Variants in RNF6 observed in about 807,000 individuals in gnomAD.
The protein encoded by RNF6 is ring finger protein 6, also known as E3 ubiquitin-protein ligase RNF6.
In RNF6, 21 loss-of-function variants were observed where a neutral mutation model predicts 50.1. The ratio of observed to expected loss-of-function variants is 0.42; its 90% CI spans 0.30 to 0.60. RNF6 has a LOEUF of 0.60. Among genes scored for constraint, RNF6 ranks in the 20% least tolerant of loss-of-function variants. RNF6 has a pLI of 0.20. For synonymous variants in RNF6, 255 were observed against 291.8 expected (o/e 0.87, Z 1.29); for missense variants, 698 against 838.2 (o/e 0.83, Z 2.07).
intron 5 of RNF6, among the ~76,000 whole-genome samples, chr13:26,188,733 A>C (rs571618608): frequency 7.1e-6 from 1 of 140,250 alleles, no homozygotes; most frequent in Non-Finnish European, 1.5e-5. Context: ...CAGTTCAAGC[A>C]CTTATCCTGC....
rs1468257891 is a variant in RNF6, at chr13:26,214,948, G to A, written c.934C>T (p.Arg312Cys). Residue 312 changes from arginine to cysteine, a missense_variant, in exon 5 of 5, where the codon CGT becomes TGT. Coordinates refer to ENST00000381588, the MANE Select transcript of RNF6 (RefSeq NM_005977.4). ...CCACTCTGTCTCTGAATTGGTGAAC[G>A]GCTTCGACTATTGGAAGTAGATCGT... ...RLRSTSNSRS[R>C]SPIQRQSGTV... The A allele has an allele frequency of 3.7e-6, 6 of 1,614,168 alleles. No individual in the cohort carries two copies. The highest frequency in any genetic ancestry group is 1.1e-5 in the South Asian group (1 of 91,086).
intron 5 of RNF6, among the ~76,000 whole-genome samples, chr13:26,201,409 G>A (rs987404496): frequency 3.9e-5 from 6 of 152,162 alleles, no homozygotes; most frequent in Admixed American, 3.3e-4. Flanking sequence ...GTGGAATGGA[G>A]GAGGGGTAAT....
chr13:26,210,234 A>G (rs1298651904), downstream of RNF6, among the ~76,000 whole-genome samples: 2 of 152,238 alleles, frequency 1.3e-5, no homozygotes, highest in East Asian at 1.9e-4. Flanking sequence ...AGAGACCCCA[A>G]GTGAGCCACC....
At chr13:26,177,595 C>G (rs1873022366) in intron 5 of RNF6, among the ~76,000 whole-genome samples, 1 of 152,216 alleles carries the variant, frequency 6.6e-6, no homozygotes, top group African/African-American at 2.4e-5. Context: ...AAACCCAACT[C>G]ACCCAAACCT....
intron 5 of RNF6, among the ~76,000 whole-genome samples, chr13:26,202,673 C>A (rs920759947): frequency 3.9e-5 from 6 of 152,152 alleles, no homozygotes; most frequent in Admixed American, 1.3e-4. Flanking sequence ...TTTAACTGAT[C>A]CCCAGAAGAA....
chr13:26,142,698 C>T (rs576128056), intron 5 of RNF6, among the ~76,000 whole-genome samples: 13 of 152,068 alleles, frequency 8.5e-5, no homozygotes, highest in African/African-American at 2.7e-4. Flanking sequence ...AAGATGGGAA[C>T]GATAGACATG....
At chr13:26,163,479 A>G (rs1340308008) in intron 5 of RNF6, among the ~76,000 whole-genome samples, 1 of 152,202 alleles carries the variant, frequency 6.6e-6, no homozygotes, top group African/African-American at 2.4e-5. Flanking sequence ...TTTTTCATAT[A>G]TATCTGTATA....
At chr13:26,137,329 T>A (rs933110378) in intron 5 of RNF6, among the ~76,000 whole-genome samples, 1 of 151,982 alleles carries the variant, frequency 6.6e-6, no homozygotes, top group African/African-American at 2.4e-5. Flanking sequence ...AAAATTAGAA[T>A]GAGCAGCAAC....
At chr13:26,175,944 G>A (rs1271751239) in intron 5 of RNF6, among the ~76,000 whole-genome samples, 2 of 152,094 alleles carry the variant, frequency 1.3e-5, no homozygotes, top group African/African-American at 4.8e-5. Context: ...GGAGGAGATT[G>A]GAACACAGCA....
chr13:26,187,836 G>A (rs904868513), intron 5 of RNF6, among the ~76,000 whole-genome samples: 19 of 152,180 alleles, frequency 1.2e-4, no homozygotes, highest in African/African-American at 4.1e-4. Context: ...CAGTCCTCCT[G>A]CCTCAGCCTC....
At chr13:26,193,877 G>A (rs1287129162) in intron 5 of RNF6, among the ~76,000 whole-genome samples, 3 of 152,174 alleles carry the variant, frequency 2.0e-5, no homozygotes, top group Admixed American at 6.5e-5. Context: ...AGAGAAGAAG[G>A]TGAGTGGTAG....
At position 26,138,991 on chromosome 13, in the gene RNF6, C is replaced by T. The variant is rs142146015; in HGVS notation, n.769-6540G>A. ...CGCCTTGATTATTCTTAGCTATTTGCTCTTCCAAATACAATTATATTAACC... is the reference window on the plus strand; with the variant it reads ...CGCCTTGATTATTCTTAGCTATTTGTTCTTCCAAATACAATTATATTAACC... On this transcript the variant is annotated intron_variant and non_coding_transcript_variant, in intron 5 of 5. Coordinates refer to the RNF6 transcript ENST00000468480. 5.3e-5 allele frequency among the ~76,000 whole-genome samples: 8 copies of T among 152,258 alleles called. No individual in the cohort carries two copies. The East Asian group carries it at 5.8e-4, about 11-fold the overall frequency.
At chr13:26,171,012 T>C (rs1323610149) in intron 5 of RNF6, among the ~76,000 whole-genome samples, 1 of 152,192 alleles carries the variant, frequency 6.6e-6, no homozygotes, top group Non-Finnish European at 1.5e-5. Context: ...AACGATTTCT[T>C]GCATATGACA....
intron 5 of RNF6, among the ~76,000 whole-genome samples, chr13:26,170,460 A>G (rs1872646052): frequency 6.8e-6 from 1 of 147,992 alleles, no homozygotes; most frequent in Admixed American, 6.9e-5. Flanking sequence ...TTGTGCAGCT[A>G]TTTCTCTTTA....
chr13:26,204,059 G>A (rs530093220), intron 5 of RNF6, among the ~76,000 whole-genome samples: 2 of 152,260 alleles, frequency 1.3e-5, no homozygotes, highest in East Asian at 3.9e-4. Context: ...CCACAATGCA[G>A]CCTGGAGGTT....
intron 5 of RNF6, among the ~76,000 whole-genome samples, chr13:26,157,101 G>A (rs1871967030): frequency 6.6e-6 from 1 of 152,130 alleles, no homozygotes; most frequent in Non-Finnish European, 1.5e-5. Flanking sequence ...GTGGGTATGG[G>A]TATAGGGTTT....
At chr13:26,151,011 T>C (rs1871561495) in intron 5 of RNF6, 2 of 152,186 alleles carry the variant, frequency 1.3e-5, no homozygotes, top group South Asian at 4.1e-4. Flanking sequence ...ACTAGTGACA[T>C]GGCTCAGGGC....
intron 4 of RNF6, among the ~76,000 whole-genome samples, chr13:26,216,591 C>T (rs1021094978): frequency 1.3e-5 from 2 of 152,014 alleles, no homozygotes; most frequent in Admixed American, 6.6e-5. Context: ...ATATAAAGTA[C>T]AAAACTTAAT....
At chr13:26,174,081 G>T (rs1488278553) in intron 5 of RNF6, among the ~76,000 whole-genome samples, 1 of 152,154 alleles carries the variant, frequency 6.6e-6, no homozygotes, top group South Asian at 2.1e-4. Flanking sequence ...CATCACATAG[G>T]CTCACTGCCA....
Sources: allele counts gnomAD v4.1 joint callset (sites outside exome capture counted in the v4.1 genomes callset), GRCh38; gene constraint gnomAD v4.1.1; transcripts MANE v1.5; gene names NCBI Gene and HGNC (gene_info 2026-07-23, HGNC 2026-07-21).